The following NDNF variants were observed in gnomAD, a reference collection of about 807,000 sequenced individuals.
NDNF encodes neuron derived neurotrophic factor.
Under a neutral mutation model 42.0 loss-of-function variants are expected in NDNF, and 16 were observed. The ratio of observed to expected loss-of-function variants is 0.38; its 90% confidence interval spans 0.26 to 0.58. The LOEUF (loss-of-function observed/expected upper bound fraction) is 0.58, where lower values mean the gene tolerates loss of function less well. NDNF is among the 20% of genes least tolerant of loss of function. The pLI is 0.67. For synonymous variants in NDNF, 248 were observed against 251.7 expected (o/e 0.99, Z 0.14); for missense variants, 616 against 666.2 (o/e 0.92, Z 0.83).
intron 1 of NDNF, among the ~76,000 whole-genome samples, chr4:121,055,549 G>A (rs1727278972): frequency 6.6e-6 from 1 of 151,282 alleles, no homozygotes; most frequent in Non-Finnish European, 1.5e-5. Flanking sequence ...CAAATAGCCT[G>A]AATAGCTGTC....
chr4:121,062,580 AACAATTAGAGAGATG>A (rs1284465720), intron 1 of NDNF, among the ~76,000 whole-genome samples: 1 of 152,254 alleles, frequency 6.6e-6, no homozygotes, highest in African/African-American at 2.4e-5. Flanking sequence ...GTAAACTTAC[AACAATTAGAGAGATG>A]ACAAACCACA....
intron 2 of NDNF, 27 bp from the exon 3 acceptor site, chr4:121,040,081 C>A (rs1291721669): frequency 1.3e-6 from 2 of 1,594,192 alleles, no homozygotes; most frequent in Admixed American, 3.5e-5. Context: ...CACTTTAGAC[C>A]GTGGTAATTC....
At chr4:121,070,966 G>A (rs1002658632) in intron 1 of NDNF, among the ~76,000 whole-genome samples, 13 of 152,322 alleles carry the variant, frequency 8.5e-5, no homozygotes, top group Admixed American at 2.0e-4. Context: ...CCGGGGAACT[G>A]CCGGGAGCTC....
At chr4:121,055,282 T>C (rs890529933) in intron 1 of NDNF, among the ~76,000 whole-genome samples, 17 of 152,194 alleles carry the variant, frequency 1.1e-4, no homozygotes, top group Non-Finnish European at 1.5e-5. Context: ...GCTACTGCAG[T>C]TGTCCATGGT....
chr4:121,053,142 A>G (rs760227625), intron 1 of NDNF, among the ~76,000 whole-genome samples: 1 of 152,238 alleles, frequency 6.6e-6, no homozygotes, highest in Non-Finnish European at 1.5e-5. Flanking sequence ...TATGTCAATA[A>G]TCTACAGATT....
chr4:121,055,823 G>A (rs28578769), intron 1 of NDNF, among the ~76,000 whole-genome samples: 4,949 of 151,406 alleles, frequency 0.033, 200 homozygotes, highest in African/African-American at 0.094. Context: ...ACACACACAC[G>A]CACCCCAGAA....
chr4:121,047,660 T>C (rs925304382), intron 1 of NDNF, among the ~76,000 whole-genome samples: 1 of 152,238 alleles, frequency 6.6e-6, no homozygotes, highest in African/African-American at 2.4e-5. Flanking sequence ...ACTAGATGTG[T>C]GATCTTAGGC....
chr4:121,049,450 G>A (rs1005358232), intron 1 of NDNF, among the ~76,000 whole-genome samples: 3 of 152,182 alleles, frequency 2.0e-5, no homozygotes, highest in Non-Finnish European at 4.4e-5. Flanking sequence ...CCTGTGGGAA[G>A]TGGGGGTCAG....
intron 1 of NDNF, among the ~76,000 whole-genome samples, chr4:121,057,801 C>T (rs538833900): frequency 6.6e-6 from 1 of 152,110 alleles, no homozygotes; most frequent in African/African-American, 2.4e-5. Flanking sequence ...ATAAAATCTC[C>T]GGGGAAATTC....
intron 3 of NDNF, 158 bp from the exon 4 acceptor site, chr4:121,037,815 G>A: frequency 1.8e-6 from 1 of 546,492 alleles, no homozygotes; most frequent in Non-Finnish European, 3.1e-6. Flanking sequence ...TATTTATTTT[G>A]ACCATTATAC....
At chr4:121,048,816 C>T (rs1391212845) in intron 1 of NDNF, among the ~76,000 whole-genome samples, 1 of 151,962 alleles carries the variant, frequency 6.6e-6, no homozygotes, top group East Asian at 1.9e-4. Flanking sequence ...CCAGCATGGG[C>T]GACAGAGCCT....
chr4:121,039,113 G>T (rs1051203370), intron 3 of NDNF: 4 of 133,570 alleles, frequency 3.0e-5, no homozygotes, highest in Non-Finnish European at 6.3e-5. Flanking sequence ...GCTAGCCTTT[G>T]TAGATACGTA....
chr4:121,058,042 C>G (rs1428737583), intron 1 of NDNF, among the ~76,000 whole-genome samples: 1 of 152,042 alleles, frequency 6.6e-6, no homozygotes, highest in Non-Finnish European at 1.5e-5. Context: ...TTTTTCTTGT[C>G]CTTATAAAAA....
chr4:121,046,870 T>G lies in NDNF; in HGVS notation c.-1-1032A>C, dbSNP rs184663963. ...TAGGCAAGTTCCTTGACATGACAGG[T>G]CTCATGAAAAAACTTTGCTTCCTCT... On this transcript the variant is annotated intron_variant, in intron 1 of 3. Coordinates refer to ENST00000379692, the MANE Select transcript of NDNF (RefSeq NM_024574.4). Among the ~76,000 whole-genome samples, 65 of 152,298 alleles carry G rather than the reference T, an allele frequency of 4.3e-4. 1 individual carries two copies. Among genetic ancestry groups the G allele is most frequent in the African/African-American group, 1.4e-3 (60 of 41,564 alleles).
chr4:121,045,192 A>T (rs1727067372), intron 2 of NDNF, among the ~76,000 whole-genome samples: 1 of 152,156 alleles, frequency 6.6e-6, no homozygotes, highest in East Asian at 1.9e-4. Context: ...CTCTATTAAA[A>T]ATACAAAAAA....
intron 1 of NDNF, among the ~76,000 whole-genome samples, chr4:121,069,224 T>C (rs1727549278): frequency 6.6e-6 from 1 of 152,204 alleles, no homozygotes; most frequent in Non-Finnish European, 1.5e-5. Context: ...AAGGTAGCAT[T>C]CCATCGACCT....
In NDNF at chr4:121,036,870, T is replaced by C. The variant is rs1726880376; in HGVS notation, c.1101A>G (p.Pro367=). Residue 367 remains proline (P), a synonymous_variant, in exon 4 of 4, where the codon CCA becomes CCG. Coordinates refer to ENST00000379692, the MANE Select transcript of NDNF (RefSeq NM_024574.4). ...AGGTGACTTTTTGGTGAGAAGAGAC[T>C]GGAGCAAACCGTAGAAACTTTGCTC... ...RKGAKFLRFA[P]VSSHQKVTFF... The C allele has an allele frequency of 6.2e-7, 1 of 1,614,082 alleles. No individual in the cohort carries two copies. The highest frequency in any genetic ancestry group is 8.5e-7 in the Non-Finnish European group (1 of 1,180,016).
At chr4:121,070,066 C>G (rs1727563096) in intron 1 of NDNF, among the ~76,000 whole-genome samples, 1 of 152,152 alleles carries the variant, frequency 6.6e-6, no homozygotes, top group Non-Finnish European at 1.5e-5. Flanking sequence ...TCTTTTTTGA[C>G]ATTTGATTAA....
At chr4:121,060,896 A>G (rs1359272467) in intron 1 of NDNF, among the ~76,000 whole-genome samples, 6 of 152,226 alleles carry the variant, frequency 3.9e-5, no homozygotes, top group Non-Finnish European at 8.8e-5. Flanking sequence ...CCAGTGCCAA[A>G]GTACAAGACA....
Sources: allele counts gnomAD v4.1 joint callset (sites outside exome capture counted in the v4.1 genomes callset), GRCh38; gene constraint gnomAD v4.1.1; transcripts MANE v1.5; gene names NCBI Gene and HGNC (gene_info 2026-07-23, HGNC 2026-07-21).